The following DDX27 variants were observed in gnomAD, a reference collection of about 807,000 sequenced individuals.
DDX27 encodes the protein DEAD-box helicase 27.
DDX27 carries 42 observed loss-of-function variants against 99.3 expected under a neutral mutation model. The observed-to-expected ratio is 0.42, with a 90% confidence interval of 0.33 to 0.55. The LOEUF (loss-of-function observed/expected upper bound fraction) is 0.55, where lower values mean the gene tolerates loss of function less well. Ranked by LOEUF, DDX27 falls within the 20% of genes least tolerant of loss-of-function variation. DDX27 has a pLI of 0.07. For synonymous variants in DDX27, 329 were observed against 353.8 expected (o/e 0.93, Z 0.79); for missense variants, 798 against 976.8 (o/e 0.82, Z 2.44).
At chr20:49,228,686 C>G (rs753592313) in intron 7 of DDX27, 29 bp from the exon 8 acceptor site, 1 of 1,568,246 alleles carries the variant, frequency 6.4e-7, no homozygotes, top group Non-Finnish European at 8.7e-7. Flanking sequence ...AACTTCTTCT[C>G]ATTGCTTCCT....
intron 11 of DDX27, chr20:49,234,048 A>C: frequency 1.5e-5 from 4 of 264,604 alleles, no homozygotes; most frequent in East Asian, 1.3e-4. Flanking sequence ...GCCTTTTGTG[A>C]CTCTCTGCAT....
intron 7 of DDX27, among the ~76,000 whole-genome samples, chr20:49,227,390 G>A (rs1488895667): frequency 2.0e-5 from 3 of 152,002 alleles, no homozygotes; most frequent in Non-Finnish European, 4.4e-5. Flanking sequence ...GTTTTGAGAT[G>A]GAGTCTCACT....
intron 2 of DDX27, 123 bp from the exon 3 acceptor site, chr20:49,222,834 A>G (rs1979738558): frequency 5.3e-6 from 3 of 568,624 alleles, no homozygotes; most frequent in Admixed American, 7.4e-5. Flanking sequence ...TATATATAAT[A>G]TGTATATGTA....
intron 9 of DDX27, among the ~76,000 whole-genome samples, chr20:49,231,328 G>A (rs1165409582): frequency 6.6e-6 from 1 of 152,150 alleles, no homozygotes; most frequent in Non-Finnish European, 1.5e-5. Flanking sequence ...CAGGCGCTCA[G>A]TAAATACTTG....
chr20:49,240,533 T>C (rs892196494), intron 16 of DDX27, among the ~76,000 whole-genome samples: 1 of 152,132 alleles, frequency 6.6e-6, no homozygotes, highest in African/African-American at 2.4e-5. Context: ...GTTCACCCCA[T>C]TCTCCTGCCT....
intron 4 of DDX27, 187 bp from the exon 5 acceptor site, chr20:49,224,758 T>C: frequency 3.2e-6 from 2 of 622,928 alleles, no homozygotes; most frequent in Non-Finnish European, 5.7e-6. Flanking sequence ...CTGGGTTAGC[T>C]TTCTCTCTGA....
chr20:49,236,651 T>A lies in DDX27; in HGVS notation c.1687+141T>A. The stretch of plus-strand genomic sequence containing the variant: ...GCTGCTTCCTTGCCGAGTGACCATG[T>A]GCAGGTTTCACCTCACCTCTCTGAG... On this transcript the variant is annotated intron_variant, in intron 14 of 20. Transcript: ENST00000618172. This position sits in a 1 kb window ranked among gnomAD's most constrained non-coding sequence, Gnocchi z 4.1. 1.2e-6 allele frequency: 1 copy of A among 853,218 alleles called. No individual in the cohort carries two copies. Among genetic ancestry groups the A allele is most frequent in the Non-Finnish European group, 1.6e-6 (1 of 609,568 alleles). 52.9% of individuals were successfully genotyped at this position (853,218 alleles called of 1,614,324 possible). A position where few individuals can be genotyped will look rare whatever the true frequency, so the allele number is the denominator to read the frequency against.
intron 11 of DDX27, 112 bp downstream of exon 11, chr20:49,233,821 C>T (rs1378025241): frequency 2.4e-6 from 3 of 1,249,510 alleles, no homozygotes; most frequent in Middle Eastern, 2.7e-4. Context: ...CAGTCTTCCC[C>T]AGCGCAGAGG....
At chr20:49,221,635 G>T (rs931416211) in intron 2 of DDX27, 37 bp downstream of exon 2, 1 of 1,545,306 alleles carries the variant, frequency 6.5e-7, no homozygotes, top group East Asian at 2.3e-5. Flanking sequence ...CAGACTTTGG[G>T]CTATTAAGAT....
In DDX27 at chr20:49,236,366, C is replaced by A; in HGVS notation, c.1543C>A (p.His515Asn). The A allele has an allele frequency of 6.2e-7, 1 of 1,605,864 alleles. No individual in the cohort carries two copies. The highest frequency in any genetic ancestry group is 1.1e-5 in the South Asian group (1 of 89,872). Residue 515 changes from histidine to asparagine, a missense_variant, in exon 14 of 21, where the codon CAT becomes AAT. Physicochemically the swap from His to Asn is moderately conservative, Grantham distance 68. Around this residue, in one of 2 missense-constraint regions of DDX27, gnomAD observed 553 missense variants for 727.9 expected, o/e 0.76. Transcript: ENST00000618172. This position sits in a 1 kb window ranked among gnomAD's most constrained non-coding sequence, Gnocchi z 4.1. ...INFTMPNTIK[H>N]YVHRVGRTAR... is the part of the protein sequence containing the mutation. ...CTTCACAATGCCTAATACCATCAAACATTATGTCCACCGGGTGGGGCGAAC... is the reference window on the plus strand; with the variant it reads ...CTTCACAATGCCTAATACCATCAAAAATTATGTCCACCGGGTGGGGCGAAC...
In DDX27 at chr20:49,230,347, C is replaced by G; in HGVS notation, c.1029C>G (p.Asp343Glu). 1 of 1,605,978 alleles carries G rather than the reference C, an allele frequency of 6.2e-7. No homozygotes were observed. Residue 343 changes from aspartate to glutamate, a missense_variant and splice_region_variant, in exon 9 of 21, where the codon GAC (aspartate) becomes GAG (glutamate). Transcript: ENST00000618172. ...AGGTGCTCATCCTGGACGAGGCTGA[C>G]AGGTGCTCCTCACAGCCTGGGGCCC... is the stretch of plus-strand genomic sequence containing the variant. The part of the protein sequence containing the change: ...SIEVLILDEA[D>E]RMLDEYFEEQ...
Position 49,242,181 on chromosome 20 carries a change from CGAG to C in DDX27, c.2098_2100del (p.Glu700del), listed in dbSNP as rs1980501721. On this transcript the variant is annotated inframe_deletion, in exon 18 of 21. Transcript: ENST00000618172. Reference sequence around the variant, plus strand: ...GAGCCAAGCGGGCCCGAGCAATGCCCGAGGAGGAGCCAGTGAGAGGTCCTGGTA... The same window carrying C: ...GAGCCAAGCGGGCCCGAGCAATGCCCGAGGAGCCAGTGAGAGGTCCTGGTA... 6 of 1,613,966 alleles carry C rather than the reference CGAG, an allele frequency of 3.7e-6. No homozygotes were observed. The South Asian group carries it at 6.6e-5, about 18-fold the overall frequency.
Position 49,225,107 on chromosome 20 carries a change from G to T in DDX27, c.514-6G>T. The T allele has an allele frequency of 6.2e-7, 1 of 1,613,824 alleles. No individual in the cohort carries two copies. The highest frequency in any genetic ancestry group is 1.1e-5 in the South Asian group (1 of 91,076). On this transcript the variant is annotated splice_region_variant and splice_polypyrimidine_tract_variant and intron_variant, in intron 5 of 20. Coordinates refer to ENST00000618172, the MANE Select transcript of DDX27 (RefSeq NM_017895.8). ...TTCTCTTCTCTCTTTTGGTTTTCTG[G>T]TGTAGGAAGCAGGAGGATTTTTTGA...
At chr20:49,223,239 C>T (rs746049438) in intron 3 of DDX27, 29 bp from the exon 4 acceptor site, 17 of 1,593,898 alleles carry the variant, frequency 1.1e-5, no homozygotes, top group Admixed American at 1.8e-5. Flanking sequence ...AGAAGTTTCT[C>T]ATCACCCTCA....
chr20:49,227,550 A>T (rs974656842), intron 7 of DDX27, among the ~76,000 whole-genome samples: 1 of 151,960 alleles, frequency 6.6e-6, no homozygotes, highest in African/African-American at 2.4e-5. Flanking sequence ...TATTTTTAGT[A>T]GAGAGAGGGT....
At position 49,227,091 on chromosome 20, in the gene DDX27, T is replaced by C. The variant is rs972726250; in HGVS notation, c.706+556T>C. Reference sequence around the variant, plus strand: ...TTTAGCCGGGATGGTCTTGATCTCCTGACCTCGTGATCCGCCCGCCTTGGC... The same window carrying C: ...TTTAGCCGGGATGGTCTTGATCTCCCGACCTCGTGATCCGCCCGCCTTGGC... On this transcript the variant is annotated intron_variant, in intron 7 of 20. Coordinates refer to ENST00000618172, the MANE Select transcript of DDX27 (RefSeq NM_017895.8). Among the ~76,000 whole-genome samples the C allele has an allele frequency of 4.0e-5, 6 of 150,924 alleles. No individual in the cohort carries two copies. In the South Asian group the frequency reaches 1.3e-3, roughly 32 times the overall value.
At chr20:49,220,577 C>T (rs755117795) in intron 1 of DDX27, among the ~76,000 whole-genome samples, 1 of 151,620 alleles carries the variant, frequency 6.6e-6, no homozygotes, top group African/African-American at 2.4e-5. Context: ...CGTCTGGGTC[C>T]CGTACACTGT....
chr20:49,221,923 G>T (rs972854672), intron 2 of DDX27, among the ~76,000 whole-genome samples: 2 of 150,996 alleles, frequency 1.3e-5, no homozygotes, highest in South Asian at 2.1e-4. Context: ...AGTGTCCCTG[G>T]TTCCCACACA....
chr20:49,222,862 A>C (rs1202323021), intron 2 of DDX27, 95 bp from the exon 3 acceptor site: 7 of 1,100,160 alleles, frequency 6.4e-6, no homozygotes, highest in Non-Finnish European at 7.6e-6. Flanking sequence ...AGAAGGCCAA[A>C]ATTTTTTCTT....
Sources: allele counts gnomAD v4.1 joint callset (sites outside exome capture counted in the v4.1 genomes callset), GRCh38; gene constraint gnomAD v4.1.1; regional missense constraint gnomAD v4.1.1; non-coding constraint Gnocchi (gnomAD v3.1); transcripts MANE v1.5; gene names NCBI Gene and HGNC (gene_info 2026-07-23, HGNC 2026-07-21).